SUGCT: variants seen among roughly 807,000 people sequenced by gnomAD.
SUGCT encodes succinyl-CoA:glutarate CoA-transferase.
In SUGCT, 41 loss-of-function variants were observed where a neutral mutation model predicts 55.0. The observed-to-expected ratio is 0.74, with a 90% CI of 0.58 to 0.97. SUGCT has a LOEUF of 0.97. Among genes scored for constraint, SUGCT ranks in the 50% least tolerant of loss-of-function variants. The pLI, the probability that SUGCT is intolerant of heterozygous loss-of-function variation, is 0.00. For missense variants in SUGCT, 568 were observed against 547.8 expected, an observed-to-expected ratio of 1.04 and a Z score of -0.37; for synonymous variants, 187 against 200.4, an observed-to-expected ratio of 0.93 and a Z score of 0.56.
At chr7:40,647,112 G>A (rs1052109295) in intron 12 of SUGCT, among the ~76,000 whole-genome samples, 1 of 152,100 alleles carries the variant, frequency 6.6e-6, no homozygotes, top group African/African-American at 2.4e-5. Flanking sequence ...ATAATATCAG[G>A]GCCCTCAGCA....
intron 12 of SUGCT, among the ~76,000 whole-genome samples, chr7:40,571,901 C>A (rs532186282): frequency 6.6e-6 from 1 of 152,186 alleles, no homozygotes; most frequent in African/African-American, 2.4e-5. Context: ...TTGTTTCAGA[C>A]AGTGGTCAAC....
At chr7:40,284,360 T>A (rs188106138) in intron 8 of SUGCT, among the ~76,000 whole-genome samples, 1 of 152,124 alleles carries the variant, frequency 6.6e-6, no homozygotes, top group Admixed American at 6.6e-5. Context: ...GTAATCCTAG[T>A]GCTTTGGGAG....
At chr7:40,169,057 A>C (rs560697590) in intron 1 of SUGCT, among the ~76,000 whole-genome samples, 1 of 152,268 alleles carries the variant, frequency 6.6e-6, no homozygotes, top group African/African-American at 2.4e-5. Context: ...TTCCCTCGGA[A>C]GTTAGGAATT....
At chr7:40,282,852 C>T (rs959800875) in intron 8 of SUGCT, among the ~76,000 whole-genome samples, 14 of 152,082 alleles carry the variant, frequency 9.2e-5, no homozygotes, top group African/African-American at 3.4e-4. Context: ...GGTGACAGAG[C>T]GAGACCCTAT....
At chr7:40,194,717 GCATGTACTTA>G (rs1343187056) in intron 5 of SUGCT, among the ~76,000 whole-genome samples, 1 of 152,306 alleles carries the variant, frequency 6.6e-6, no homozygotes, top group South Asian at 2.1e-4. Context: ...AATCCATTCT[GCATGTACTTA>G]CATGTACTTA....
chr7:40,190,756 T>A (rs1268635642), intron 5 of SUGCT, among the ~76,000 whole-genome samples: 1 of 152,188 alleles, frequency 6.6e-6, no homozygotes, highest in African/African-American at 2.4e-5. Context: ...ATAGTATTCT[T>A]CTGTATTCAG....
intron 13 of SUGCT, among the ~76,000 whole-genome samples, chr7:40,755,661 T>C (rs1325611729): frequency 6.6e-6 from 1 of 152,206 alleles, no homozygotes; most frequent in East Asian, 1.9e-4. Flanking sequence ...AAGGATGTCA[T>C]TGGAATAGAG....
intron 7 of SUGCT, among the ~76,000 whole-genome samples, chr7:40,251,199 T>C (rs1188097970): frequency 2.0e-5 from 3 of 152,210 alleles, no homozygotes; most frequent in Non-Finnish European, 4.4e-5. Context: ...GAGCAATGAT[T>C]AGCATTCGAA....
chr7:40,501,737 C>G (rs1240163604), intron 12 of SUGCT, among the ~76,000 whole-genome samples: 1 of 151,928 alleles, frequency 6.6e-6, no homozygotes, highest in East Asian at 1.9e-4. Flanking sequence ...GAAAATGAAT[C>G]AAGAGGACAA....
intron 12 of SUGCT, among the ~76,000 whole-genome samples, chr7:40,599,493 A>G (rs1205231836): frequency 3.9e-5 from 6 of 152,118 alleles, no homozygotes; most frequent in African/African-American, 1.4e-4. Flanking sequence ...GAATGGATTC[A>G]TTTTATAAGA....
the SUGCT span, among the ~76,000 whole-genome samples, chr7:41,031,681 T>C: frequency 8.5e-5 from 13 of 152,160 alleles, no homozygotes; most frequent in Non-Finnish European, 1.9e-4. Flanking sequence ...AAGGCCAACA[T>C]TCTTCTTCCA....
intron 12 of SUGCT, among the ~76,000 whole-genome samples, chr7:40,730,559 TA>T (rs1786841202): frequency 6.6e-6 from 1 of 152,212 alleles, no homozygotes; most frequent in African/African-American, 2.4e-5. Flanking sequence ...TGAGAACACT[TA>T]AAATCTACTC....
At chr7:40,166,360 A>G (rs1470346148) in intron 1 of SUGCT, among the ~76,000 whole-genome samples, 4 of 150,116 alleles carry the variant, frequency 2.7e-5, no homozygotes, top group Admixed American at 1.3e-4. Context: ...TTTAAAACTC[A>G]CTCATTCATT....
intron 9 of SUGCT, among the ~76,000 whole-genome samples, chr7:40,349,507 G>A (rs1283787443): frequency 1.3e-5 from 2 of 152,104 alleles, no homozygotes; most frequent in Non-Finnish European, 1.5e-5. Flanking sequence ...GGATAGTTGA[G>A]TCTAGTCTTT....
At chr7:40,937,753 T>A in the SUGCT span, among the ~76,000 whole-genome samples, 1 of 152,146 alleles carries the variant, frequency 6.6e-6, no homozygotes, top group Non-Finnish European at 1.5e-5. Flanking sequence ...TAGTATATAT[T>A]TTTTTCCATC....
chr7:40,641,609 C>A (rs928007357), intron 12 of SUGCT, among the ~76,000 whole-genome samples: 1 of 152,144 alleles, frequency 6.6e-6, no homozygotes, highest in South Asian at 2.1e-4. Context: ...GCCTTCAGAT[C>A]GAGGAAAACC....
intron 13 of SUGCT, among the ~76,000 whole-genome samples, chr7:40,770,465 C>T (rs369616283): frequency 1.3e-5 from 2 of 152,060 alleles, no homozygotes; most frequent in Non-Finnish European, 2.9e-5. Context: ...CTTGGGTCAT[C>T]ATATCTATGT....
At chr7:40,447,770 G>A (rs1788928263) in intron 9 of SUGCT, among the ~76,000 whole-genome samples, 1 of 152,146 alleles carries the variant, frequency 6.6e-6, no homozygotes, top group African/African-American at 2.4e-5. Context: ...GATCAGCCCA[G>A]GAGTAAGTCC....
At chr7:40,561,880 C>A (rs572109461) in intron 12 of SUGCT, among the ~76,000 whole-genome samples, 2 of 150,524 alleles carry the variant, frequency 1.3e-5, no homozygotes, top group African/African-American at 4.9e-5. Context: ...TTAGAAGAGA[C>A]GGGGTTTCAC....
Sources: allele counts gnomAD v4.1 joint callset (sites outside exome capture counted in the v4.1 genomes callset), GRCh38; gene constraint gnomAD v4.1.1; transcripts MANE v1.5; gene names NCBI Gene and HGNC (gene_info 2026-07-23, HGNC 2026-07-21).